Variants in CRHR2 observed in about 807,000 individuals in gnomAD.
CRHR2 encodes corticotropin releasing hormone receptor 2.
CRHR2 carries 53 observed loss-of-function variants against 57.9 expected under a neutral mutation model. The observed-to-expected ratio is 0.92, with a 90% CI of 0.73 to 1.15. CRHR2 has a LOEUF of 1.15. Among genes scored for constraint, CRHR2 ranks in the 50% most tolerant of loss-of-function variants. The pLI is 0.00. For missense variants in CRHR2, 532 were observed against 542.6 expected (o/e 0.98, Z 0.19); for synonymous variants, 213 against 220.9 (o/e 0.96, Z 0.32).
At chr7:30,682,599 T>A, upstream of CRHR2, 1 of 891,206 alleles carries the variant, frequency 1.1e-6, no homozygotes, top group East Asian at 6.1e-5. Context: ...CCCTCCACCC[T>A]GCCCAAAGTA....
chr7:30,655,563 C>G lies in CRHR2; in HGVS notation c.1053+17G>C. ...GGAAAGCTCACTGTGGGGCCCCCATCTGGTCACAGGCCCCACCTGGAACGA... is the reference window on the plus strand; with the variant it reads ...GGAAAGCTCACTGTGGGGCCCCCATGTGGTCACAGGCCCCACCTGGAACGA... On this transcript the variant is annotated intron_variant, in intron 10 of 11. Coordinates refer to ENST00000471646, the MANE Select transcript of CRHR2 (RefSeq NM_001883.5). 1 of 1,604,566 alleles carries G rather than the reference C, an allele frequency of 6.2e-7. No individual in the cohort carries two copies. The highest frequency in any genetic ancestry group is 8.5e-7 in the Non-Finnish European group (1 of 1,174,630).
chr7:30,696,441 G>T (rs1308317695), intron 1 of CRHR2, among the ~76,000 whole-genome samples: 1 of 152,086 alleles, frequency 6.6e-6, no homozygotes, highest in Non-Finnish European at 1.5e-5. Context: ...AAAAATTAAG[G>T]CCAGGCGCGG....
chr7:30,672,297 C>T (rs772374164), intron 2 of CRHR2, among the ~76,000 whole-genome samples: 3 of 152,228 alleles, frequency 2.0e-5, no homozygotes, highest in Non-Finnish European at 2.9e-5. Context: ...TTCACTGACC[C>T]CTATAAAGGT....
chr7:30,667,061 A>G (rs969107921), intron 3 of CRHR2, among the ~76,000 whole-genome samples, 167 bp downstream of exon 3: 16 of 152,174 alleles, frequency 1.1e-4, no homozygotes, highest in African/African-American at 3.4e-4. Context: ...ACTCCCCTAC[A>G]GTGTCACTAA....
chr7:30,655,517 A>G, intron 10 of CRHR2, 63 bp downstream of exon 10: 1 of 1,559,298 alleles, frequency 6.4e-7, no homozygotes, highest in Non-Finnish European at 8.7e-7. Context: ...TAGTGAGGGC[A>G]TGGCTGCCAG....
intron 2 of CRHR2, among the ~76,000 whole-genome samples, chr7:30,674,946 G>C (rs984432014): frequency 2.6e-5 from 4 of 152,132 alleles, no homozygotes; most frequent in Admixed American, 6.5e-5. Flanking sequence ...CATCTCCCCT[G>C]TGTGCCATGG....
At chr7:30,673,503 C>T (rs1178408366) in intron 2 of CRHR2, among the ~76,000 whole-genome samples, 1 of 152,230 alleles carries the variant, frequency 6.6e-6, no homozygotes, top group Admixed American at 6.5e-5. Flanking sequence ...CAGGCATGAG[C>T]CACCATGCCT....
intron 3 of CRHR2, among the ~76,000 whole-genome samples, chr7:30,666,645 C>G (rs999347718): frequency 6.6e-5 from 10 of 152,264 alleles, no homozygotes; most frequent in African/African-American, 2.4e-4. Flanking sequence ...CCCAGCCCCA[C>G]TGAGGACTAT....
At chr7:30,673,288 C>A (rs1283287028) in intron 2 of CRHR2, among the ~76,000 whole-genome samples, 1 of 152,138 alleles carries the variant, frequency 6.6e-6, no homozygotes, top group East Asian at 1.9e-4. Context: ...TAGCTCACTG[C>A]AGCCTTGAAC....
At chr7:30,689,500 C>G (rs935760106) in intron 1 of CRHR2, among the ~76,000 whole-genome samples, 1 of 152,118 alleles carries the variant, frequency 6.6e-6, no homozygotes, top group African/African-American at 2.4e-5. Flanking sequence ...GCAGTGTTGC[C>G]TCCTAGGCAG....
intron 2 of CRHR2, among the ~76,000 whole-genome samples, chr7:30,667,569 T>C (rs1305170286): frequency 6.6e-6 from 1 of 152,274 alleles, no homozygotes; most frequent in Non-Finnish European, 1.5e-5. Context: ...ACTTTCATTT[T>C]GTTCATTTGC....
upstream of CRHR2, chr7:30,686,701 AT>A: frequency 4.3e-6 from 2 of 462,640 alleles, no homozygotes; most frequent in Non-Finnish European, 7.8e-6. Context: ...GCCTCATAAT[AT>A]ATGCCCTAAT....
intron 8 of CRHR2, among the ~76,000 whole-genome samples, chr7:30,658,978 C>T (rs1193340957): frequency 6.6e-6 from 1 of 152,228 alleles, no homozygotes; most frequent in Non-Finnish European, 1.5e-5. Context: ...GGAGACCTGC[C>T]TTTGAGCCTC....
chr7:30,689,030 G>A lies in CRHR2; in HGVS notation c.-167+161C>T, dbSNP rs554987236. ...GAGCCTAGAATGGGGAAGGGCCTGC[G>A]TAAGGGCCCTCAGCAAGGCAGAAAT... On this transcript the variant is annotated intron_variant, in intron 2 of 13. Coordinates refer to the CRHR2 transcript ENST00000341843. 182 of 702,708 alleles carry A rather than the reference G, an allele frequency of 2.6e-4. 1 individual carries two copies. The highest frequency in any genetic ancestry group is 2.5e-3 in the African/African-American group (143 of 56,900). The allele number at this position is 702,708 out of a possible 1,614,324, so 43.5% of individuals were successfully genotyped here.
upstream of CRHR2, chr7:30,686,643 A>G (rs994087808): frequency 2.3e-6 from 2 of 852,716 alleles, no homozygotes; most frequent in South Asian, 1.5e-5. Context: ...AAATAAATAA[A>G]TAGTCCATTT....
In CRHR2 at chr7:30,682,173, C is replaced by G; in HGVS notation, c.103+5G>C. On this transcript the variant is annotated splice_donor_5th_base_variant and intron_variant, in intron 1 of 11. Transcript: ENST00000471646. ...GCAGCCTCCGACCGCTCGCCTCCCG[C>G]CTACCCTCGGGGTCCAGGGGTGGCC... The G allele has an allele frequency of 6.4e-7, 1 of 1,568,546 alleles. No individual in the cohort carries two copies. The highest frequency in any genetic ancestry group is 8.6e-7 in the Non-Finnish European group (1 of 1,166,718).
Position 30,662,295 on chromosome 7 carries a change from A to G in CRHR2, c.698-79T>C, listed in dbSNP as rs1394113434. On this transcript the variant is annotated intron_variant, in intron 6 of 11. Transcript: ENST00000471646. ...GTAGGACATACCGTGGGGTACCACA[A>G]CAGGGCTAGGATCATGTTTTTACTC... is the stretch of plus-strand genomic sequence containing the variant. 6 of 1,520,690 alleles carry G rather than the reference A, an allele frequency of 3.9e-6. No homozygotes were observed. In the Middle Eastern group the frequency reaches 5.1e-4, roughly 130 times the overall value. The allele number at this position is 1,520,690 out of a possible 1,614,324, so 94.2% of individuals were successfully genotyped here. A position where few individuals can be genotyped will look rare whatever the true frequency, so the allele number is the denominator to read the frequency against.
intron 10 of CRHR2, 81 bp downstream of exon 10, chr7:30,655,499 G>A: frequency 6.6e-7 from 1 of 1,506,070 alleles, no homozygotes; most frequent in Non-Finnish European, 9.0e-7. Flanking sequence ...AGTCCCACGG[G>A]ACCCCCTTAG....
chr7:30,672,030 C>A (rs1204186333), intron 2 of CRHR2, among the ~76,000 whole-genome samples: 1 of 152,192 alleles, frequency 6.6e-6, no homozygotes, highest in Non-Finnish European at 1.5e-5. Flanking sequence ...TTCAGCACCG[C>A]GGACAGCACA....
Sources: gnomAD v4.1 joint callset for allele counts (sites outside exome capture counted in the v4.1 genomes callset) on GRCh38, gnomAD v4.1.1 for gene constraint, MANE v1.5 for transcripts, NCBI Gene and HGNC (gene_info 2026-07-23, HGNC 2026-07-21) for gene names.